Variants in SMURF1 observed in about 807,000 individuals in gnomAD.
SMURF1 encodes SMAD specific E3 ubiquitin protein ligase 1.
SMURF1 carries 44 observed loss-of-function variants against 98.0 expected under a neutral mutation model. The observed-to-expected ratio is 0.45, with a 90% CI of 0.35 to 0.58. The LOEUF is 0.58. Among genes scored for constraint, SMURF1 ranks in the 20% least tolerant of loss-of-function variants. The pLI is 0.00. For synonymous variants in SMURF1, 396 were observed against 374.9 expected (o/e 1.06, Z -0.65); for missense variants, 687 against 938.4 (o/e 0.73, Z 3.50).
chr7:99,045,589 C>T (rs1357623799), intron 11 of SMURF1, 109 bp downstream of exon 11: 2 of 851,636 alleles, frequency 2.3e-6, no homozygotes, highest in Non-Finnish European at 3.8e-6. Flanking sequence ...AAGGAGACAT[C>T]AGCCCTGCCC....
intron 1 of SMURF1, 122 bp from the exon 2 acceptor site, chr7:99,061,959 A>C: frequency 1.5e-6 from 1 of 672,188 alleles, no homozygotes; most frequent in Non-Finnish European, 2.5e-6. Context: ...TTTGACTTTC[A>C]AATCTAGTAT....
intron 1 of SMURF1, among the ~76,000 whole-genome samples, chr7:99,086,395 TAA>T (rs55763626): frequency 1.2e-3 from 170 of 142,594 alleles, no homozygotes; most frequent in Middle Eastern, 3.6e-3. Context: ...CTAAGATAGT[TAA>T]AAAAAAAAAA....
Position 99,087,957 on chromosome 7 carries a change from T to TA in SMURF1, c.56-26121dup, listed in dbSNP as rs978541694. On this transcript the variant is annotated intron_variant, in intron 1 of 17. Transcript: ENST00000361368. ...ATTATTTACTAAATGAAAATTTCTT[T>TA]AAAAAAAAAAAGTATTTGGCCGGGA... 1.6e-3 allele frequency among the ~76,000 whole-genome samples: 228 copies of TA among 147,062 alleles called. 2 individuals are homozygous for TA. The highest frequency in any genetic ancestry group is 2.8e-3 in the Admixed American group (41 of 14,700).
At chr7:99,102,697 G>A (rs1797108971) in intron 1 of SMURF1, among the ~76,000 whole-genome samples, 1 of 152,134 alleles carries the variant, frequency 6.6e-6, no homozygotes, top group African/African-American at 2.4e-5. Context: ...ACTTAAATAA[G>A]TGGCTCTTTC....
intron 1 of SMURF1, among the ~76,000 whole-genome samples, chr7:99,133,729 G>A (rs1296796351): frequency 6.6e-6 from 1 of 152,150 alleles, no homozygotes; most frequent in Non-Finnish European, 1.5e-5. Context: ...AACAGCACTA[G>A]TCTTAAAAGC....
At chr7:99,068,439 C>T (rs1796246628) in intron 1 of SMURF1, among the ~76,000 whole-genome samples, 1 of 152,100 alleles carries the variant, frequency 6.6e-6, no homozygotes, top group African/African-American at 2.4e-5. Flanking sequence ...TATAGGCATG[C>T]ACCACTATGC....
intron 9 of SMURF1, chr7:99,049,250 C>T (rs1795677738): frequency 9.5e-6 from 3 of 315,176 alleles, no homozygotes; most frequent in Non-Finnish European, 1.8e-5. Context: ...ACTTCTCAAC[C>T]TAAGGGCCAC....
At chr7:99,122,481 T>TA (rs960430942) in intron 1 of SMURF1, among the ~76,000 whole-genome samples, 6 of 150,994 alleles carry the variant, frequency 4.0e-5, no homozygotes, top group African/African-American at 7.3e-5. Flanking sequence ...TCATCTCTAC[T>TA]AAAAAATACA....
intron 1 of SMURF1, chr7:99,121,004 C>A (rs1797603753): frequency 6.6e-6 from 1 of 151,452 alleles, no homozygotes; most frequent in African/African-American, 2.4e-5. Flanking sequence ...TACAAGATTT[C>A]TATTAAGAGA....
intron 1 of SMURF1, among the ~76,000 whole-genome samples, chr7:99,077,938 A>G (rs1358648137): frequency 1.3e-5 from 2 of 152,148 alleles, no homozygotes; most frequent in Admixed American, 6.5e-5. Flanking sequence ...GGCTCATTCT[A>G]TTACTCGGTT....
At chr7:99,131,405 G>C (rs995098810) in intron 1 of SMURF1, among the ~76,000 whole-genome samples, 1 of 151,960 alleles carries the variant, frequency 6.6e-6, no homozygotes, top group Non-Finnish European at 1.5e-5. Flanking sequence ...GTGGTCTGAT[G>C]CAACCACCAA....
At chr7:99,064,696 G>A (rs144757371) in intron 1 of SMURF1, among the ~76,000 whole-genome samples, 184 of 152,162 alleles carry the variant, frequency 1.2e-3, no homozygotes, top group African/African-American at 4.2e-3. Context: ...TAATATTTCT[G>A]TATAGTCAAT....
At chr7:99,032,812 T>A in intron 17 of SMURF1, 1 of 683,258 alleles carries the variant, frequency 1.5e-6, no homozygotes, top group Non-Finnish European at 2.6e-6. Context: ...CTCTATACAG[T>A]GTCGTAATGT....
At chr7:99,141,860 T>G (rs1486731769) in intron 1 of SMURF1, among the ~76,000 whole-genome samples, 1 of 152,222 alleles carries the variant, frequency 6.6e-6, no homozygotes, top group Non-Finnish European at 1.5e-5. Context: ...ACCAGGACTT[T>G]GGAGTTCTCA....
At chr7:99,051,292 G>T in intron 8 of SMURF1, 65 bp downstream of exon 8, 1 of 1,209,112 alleles carries the variant, frequency 8.3e-7, no homozygotes, top group Non-Finnish European at 1.2e-6. Flanking sequence ...ACATCTGGAA[G>T]GTATTGGCTT....
intron 11 of SMURF1, among the ~76,000 whole-genome samples, chr7:99,043,949 C>T (rs890199542): frequency 3.3e-5 from 5 of 152,160 alleles, no homozygotes; most frequent in East Asian, 3.9e-4. Flanking sequence ...GCAAGAGAAT[C>T]GCCATCAGGC....
chr7:99,041,392 ACTCT>A lies in SMURF1; in HGVS notation c.1371+722_1371+725del, dbSNP rs980625785. On this transcript the variant is annotated intron_variant, in intron 12 of 17. Transcript: ENST00000361368. ...ACTCCAGCCTGGGGGACACAGCGAGACTCTCTCTCAAAAAAAAGAAAAGAACCAT... is the reference window on the plus strand; with the variant it reads ...ACTCCAGCCTGGGGGACACAGCGAGACTCTCAAAAAAAAGAAAAGAACCAT... 3.9e-4 allele frequency among the ~76,000 whole-genome samples: 59 copies of A among 151,820 alleles called. 1 individual carries two copies. The highest frequency in any genetic ancestry group is 5.7e-4 in the Non-Finnish European group (39 of 67,954).
rs1250710744 is a variant in SMURF1 at position 99,057,405 on chromosome 7, G to A, written c.337+13C>T. The A allele has an allele frequency of 2.5e-6, 4 of 1,612,482 alleles. No individual in the cohort carries two copies. The highest frequency in any genetic ancestry group is 3.4e-6 in the Non-Finnish European group (4 of 1,179,670). Reference sequence around the variant, plus strand: ...TGGTTGCATTAAGAGGCAGGAAAGTGTTTGGTTCTTACATCCGGTATCTTT... The same window carrying A: ...TGGTTGCATTAAGAGGCAGGAAAGTATTTGGTTCTTACATCCGGTATCTTT... On this transcript the variant is annotated intron_variant, in intron 4 of 17. Coordinates refer to ENST00000361368, the MANE Select transcript of SMURF1 (RefSeq NM_181349.3).
At chr7:99,101,107 C>T (rs975194058) in intron 1 of SMURF1, among the ~76,000 whole-genome samples, 1 of 152,102 alleles carries the variant, frequency 6.6e-6, no homozygotes, top group African/African-American at 2.4e-5. Flanking sequence ...TGATAAGGAA[C>T]AAAACTATTA....
Sources: gnomAD v4.1 joint callset for allele counts (sites outside exome capture counted in the v4.1 genomes callset) on GRCh38, gnomAD v4.1.1 for gene constraint, MANE v1.5 for transcripts, NCBI Gene and HGNC (gene_info 2026-07-23, HGNC 2026-07-21) for gene names.